Variants in HECW2 observed in about 807,000 individuals in gnomAD.
The protein encoded by HECW2 is HECT, C2 and WW domain containing E3 ubiquitin protein ligase 2, also known as E3 ubiquitin-protein ligase HECW2.
Under a neutral mutation model 175.2 loss-of-function variants are expected in HECW2, and 61 were observed. The observed-to-expected ratio is 0.35, with a 90% CI of 0.28 to 0.43. The LOEUF (loss-of-function observed/expected upper bound fraction) is 0.43. HECW2 is among the 20% of genes least tolerant of loss of function. The pLI, the probability that HECW2 is intolerant of heterozygous loss-of-function variation, is 1.00. For synonymous variants in HECW2, 671 were observed against 731.0 expected (o/e 0.92, Z 1.32); for missense variants, 1,524 against 2,000.5 (o/e 0.76, Z 4.54).
intron 19 of HECW2, among the ~76,000 whole-genome samples, chr2:196,243,171 C>CTTTTT (rs57767817): frequency 7.0e-5 from 10 of 142,346 alleles, no homozygotes; most frequent in Admixed American, 2.8e-4. Flanking sequence ...TTATTGGATT[C>CTTTTT]TTTTTTTTTT....
intron 2 of HECW2, among the ~76,000 whole-genome samples, chr2:196,408,668 C>G (rs1695028380): frequency 6.6e-6 from 1 of 152,152 alleles, no homozygotes; most frequent in Non-Finnish European, 1.5e-5. Flanking sequence ...ACTTTATGAA[C>G]AGCAAATCCT....
chr2:196,380,843 A>G (rs1694188793), intron 2 of HECW2, among the ~76,000 whole-genome samples: 1 of 152,236 alleles, frequency 6.6e-6, no homozygotes, highest in African/African-American at 2.4e-5. Flanking sequence ...AATGTTACAC[A>G]GCCAAAGCCT....
intron 1 of HECW2, among the ~76,000 whole-genome samples, chr2:196,539,813 G>A (rs997742757): frequency 1.3e-5 from 2 of 152,122 alleles, no homozygotes; most frequent in Admixed American, 6.6e-5. Context: ...AAAAGGAAAG[G>A]AATTTTACCA....
At chr2:196,455,476 T>C (rs1208346352) in intron 1 of HECW2, among the ~76,000 whole-genome samples, 2 of 152,260 alleles carry the variant, frequency 1.3e-5, no homozygotes, top group Non-Finnish European at 2.9e-5. Flanking sequence ...GTGATAATAG[T>C]GGTCATAAAT....
chr2:196,228,338 T>C (rs991510060), intron 21 of HECW2, 84 bp from the exon 22 acceptor site: 14 of 1,239,812 alleles, frequency 1.1e-5, no homozygotes, highest in South Asian at 3.0e-5. Flanking sequence ...CAAGTTTCCA[T>C]AGGATGCTCA....
chr2:196,441,240 G>T lies in HECW2; in HGVS notation c.-35-7782C>A, dbSNP rs536420283. On this transcript the variant is annotated intron_variant, in intron 1 of 28. Transcript: ENST00000644978. Reference sequence around the variant, plus strand: ...CAGGTACTGAAAAACATTGTCAGAGGATTTTTATAGAATTTAAGAAATGCA... The same window carrying T: ...CAGGTACTGAAAAACATTGTCAGAGTATTTTTATAGAATTTAAGAAATGCA... Among the ~76,000 whole-genome samples, 3 of 152,214 alleles carry T rather than the reference G, an allele frequency of 2.0e-5. No homozygotes were observed. In the East Asian group the frequency reaches 5.8e-4, roughly 29 times the overall value.
chr2:196,333,936 A>G (rs535483222), intron 4 of HECW2, among the ~76,000 whole-genome samples: 4 of 152,344 alleles, frequency 2.6e-5, no homozygotes, highest in African/African-American at 9.6e-5. Flanking sequence ...TAGACACTAG[A>G]TCCAAACTCA....
chr2:196,363,031 T>G (rs556004458), intron 2 of HECW2, among the ~76,000 whole-genome samples: 1 of 152,300 alleles, frequency 6.6e-6, no homozygotes, highest in South Asian at 2.1e-4. Flanking sequence ...CAGACACAGT[T>G]TGCCCTGAAG....
chr2:196,447,429 A>T (rs1165915068), intron 1 of HECW2, among the ~76,000 whole-genome samples: 1 of 152,208 alleles, frequency 6.6e-6, no homozygotes, highest in Non-Finnish European at 1.5e-5. Context: ...TGAATGTTAG[A>T]TGTTCCAACA....
chr2:196,434,528 C>T (rs1187986762), intron 1 of HECW2, among the ~76,000 whole-genome samples: 1 of 152,200 alleles, frequency 6.6e-6, no homozygotes, highest in African/African-American at 2.4e-5. Flanking sequence ...CCAGTACCTC[C>T]TGTACTTTAA....
chr2:196,327,823 A>C (rs1358681103), intron 5 of HECW2, among the ~76,000 whole-genome samples: 2 of 152,224 alleles, frequency 1.3e-5, no homozygotes, highest in Non-Finnish European at 2.9e-5. Flanking sequence ...GAAATGTGTA[A>C]GGAAGAAGCA....
intron 17 of HECW2, among the ~76,000 whole-genome samples, chr2:196,267,454 A>C (rs1463963809): frequency 6.6e-6 from 1 of 152,154 alleles, no homozygotes; most frequent in Non-Finnish European, 1.5e-5. Flanking sequence ...CCATGGGGAC[A>C]CTACCCATTT....
chr2:196,460,776 A>ATTTTTT (rs201916150), intron 1 of HECW2, among the ~76,000 whole-genome samples: 3 of 116,088 alleles, frequency 2.6e-5, no homozygotes, highest in Non-Finnish European at 1.8e-5. Context: ...ACACCTGGCA[A>ATTTTTT]TTTTTTTTTT....
intron 2 of HECW2, among the ~76,000 whole-genome samples, chr2:196,399,802 G>A (rs1346846631): frequency 1.3e-5 from 2 of 152,198 alleles, no homozygotes; most frequent in African/African-American, 2.4e-5. Context: ...TTATAAGCAA[G>A]TATTAACGTA....
intron 1 of HECW2, among the ~76,000 whole-genome samples, chr2:196,504,388 G>A (rs1687682584): frequency 6.6e-6 from 1 of 151,146 alleles, no homozygotes. Context: ...CAATCAAAGA[G>A]ATGCAGTACA....
chr2:196,485,475 T>A (rs941666054), intron 1 of HECW2, among the ~76,000 whole-genome samples: 5 of 152,094 alleles, frequency 3.3e-5, no homozygotes, highest in African/African-American at 1.2e-4. Flanking sequence ...GAGGGCAAGG[T>A]CTCTCTGCTT....
chr2:196,393,455 G>GA (rs1014531027), intron 2 of HECW2, among the ~76,000 whole-genome samples: 3 of 120,342 alleles, frequency 2.5e-5, no homozygotes, highest in Non-Finnish European at 5.7e-5. Context: ...AAATTTACAA[G>GA]AAAAAAAATC....
intron 2 of HECW2, 59 bp downstream of exon 2, chr2:196,433,073 T>G: frequency 1.4e-6 from 2 of 1,479,600 alleles, no homozygotes; most frequent in Non-Finnish European, 1.8e-6. Context: ...ATGGTAAAAA[T>G]GTCAAACTAA....
Position 196,242,128 on chromosome 2 carries a change from C to T in HECW2, c.3606G>A (p.Arg1202=), listed in dbSNP as rs1392763552. The T allele has an allele frequency of 1.2e-6, 2 of 1,614,068 alleles. No individual in the cohort carries two copies. Among genetic ancestry groups the T allele is most frequent in the Non-Finnish European group, 1.7e-6 (2 of 1,180,016 alleles). ...DFEAKLRNFY[R]KLETKGYGQG... ...GTCCATATCCTTTAGTCTCTAACTT[C>T]CTGTAAAAGTTCCTCAGTTTGGCTT... The change falls in exon 20 of 29, where the codon AGG becomes AGA. Residue 1202 remains arginine (R), a synonymous_variant. Transcript: ENST00000644978.
Sources: gnomAD v4.1 joint callset for allele counts (sites outside exome capture counted in the v4.1 genomes callset) on GRCh38, gnomAD v4.1.1 for gene constraint, MANE v1.5 for transcripts, NCBI Gene and HGNC (gene_info 2026-07-23, HGNC 2026-07-21) for gene names.